ACTR3C: variants seen among roughly 807,000 people sequenced by gnomAD.
The protein encoded by ACTR3C is actin related protein 3C.
In ACTR3C, 18 loss-of-function variants were observed where a neutral mutation model predicts 26.3. That is an observed-to-expected ratio of 0.68 (90% CI 0.47 to 1.01). The LOEUF is 1.01. Ranked by LOEUF, ACTR3C falls within the 50% of genes least tolerant of loss-of-function variation. The pLI is 0.00. For synonymous variants in ACTR3C, 55 were observed against 94.5 expected, an observed-to-expected ratio of 0.58 and a Z score of 2.42; for missense variants, 184 against 250.7, an observed-to-expected ratio of 0.73 and a Z score of 1.80.
the ACTR3C span, among the ~76,000 whole-genome samples, chr7:150,087,236 T>C: frequency 6.7e-6 from 1 of 149,910 alleles, no homozygotes; most frequent in African/African-American, 2.5e-5. Context: ...GAATACACAC[T>C]GGACTAAAAG....
At chr7:149,946,329 T>C in the ACTR3C span, among the ~76,000 whole-genome samples, 4 of 152,244 alleles carry the variant, frequency 2.6e-5, no homozygotes, top group Non-Finnish European at 5.9e-5. Context: ...TTGGCAAATA[T>C]GAGCTCAGAC....
the ACTR3C span, among the ~76,000 whole-genome samples, chr7:149,910,634 T>C: frequency 1.6e-4 from 24 of 152,150 alleles, no homozygotes; most frequent in Non-Finnish European, 3.4e-4. Context: ...TGCTTATTAT[T>C]ATTATTTCAA....
chr7:149,922,560 T>C, the ACTR3C span, among the ~76,000 whole-genome samples: 2 of 152,016 alleles, frequency 1.3e-5, no homozygotes, highest in Admixed American at 1.3e-4. Context: ...CAGCCAGAGA[T>C]GGGCGGGGAT....
chr7:150,311,945 A>C (rs1384512923), intron 1 of ACTR3C, among the ~76,000 whole-genome samples: 1 of 152,224 alleles, frequency 6.6e-6, no homozygotes, highest in Non-Finnish European at 1.5e-5. Context: ...GGACTGAAAG[A>C]GGTTTTCTCA....
chr7:150,004,617 G>A, the ACTR3C span: 1 of 152,124 alleles, frequency 6.6e-6, no homozygotes, highest in Non-Finnish European at 1.5e-5. Context: ...AACCTACGGT[G>A]GGAAAACCTT....
chr7:150,317,796 T>C (rs1236721895), intron 1 of ACTR3C, among the ~76,000 whole-genome samples: 1 of 152,194 alleles, frequency 6.6e-6, no homozygotes, highest in Non-Finnish European at 1.5e-5. Flanking sequence ...TATTGAATTT[T>C]GTTGAATCCA....
chr7:150,093,710 C>T, the ACTR3C span, among the ~76,000 whole-genome samples: 1 of 150,770 alleles, frequency 6.6e-6, no homozygotes, highest in African/African-American at 2.5e-5. Context: ...CTCAGCGGAG[C>T]AGCTGTAGGA....
chr7:149,973,806 C>G, the ACTR3C span, among the ~76,000 whole-genome samples: 2 of 149,530 alleles, frequency 1.3e-5, no homozygotes, highest in Non-Finnish European at 3.0e-5. Context: ...ATTTTTCGGA[C>G]AGAAAAACAG....
At chr7:150,094,029 G>C in the ACTR3C span, among the ~76,000 whole-genome samples, 1 of 150,456 alleles carries the variant, frequency 6.6e-6, no homozygotes. Context: ...AGCACAGATA[G>C]GTAAAATAAC....
At chr7:150,149,218 T>C in the ACTR3C span, among the ~76,000 whole-genome samples, 1 of 151,096 alleles carries the variant, frequency 6.6e-6, no homozygotes, top group African/African-American at 2.4e-5. Flanking sequence ...CCTCACTGAT[T>C]TGTAGTATAT....
the ACTR3C span, among the ~76,000 whole-genome samples, chr7:150,233,587 C>T: frequency 1.3e-5 from 2 of 151,930 alleles, no homozygotes; most frequent in East Asian, 3.8e-4. Context: ...CTTACTCATT[C>T]TTTCCTCAAA....
chr7:149,937,371 TTTTGA>T, the ACTR3C span, among the ~76,000 whole-genome samples: 1 of 151,226 alleles, frequency 6.6e-6, no homozygotes, highest in African/African-American at 2.4e-5. Context: ...AAATATTACC[TTTTGA>T]TTTAAGTCAT....
At chr7:150,290,610 G>C (rs1326300240) in intron 3 of ACTR3C, among the ~76,000 whole-genome samples, 1 of 152,220 alleles carries the variant, frequency 6.6e-6, no homozygotes, top group East Asian at 1.9e-4. Flanking sequence ...TCTAATAGCT[G>C]CATCTAGTCA....
the ACTR3C span, among the ~76,000 whole-genome samples, chr7:150,010,271 T>A: frequency 6.6e-6 from 1 of 152,162 alleles, no homozygotes; most frequent in Non-Finnish European, 1.5e-5. Context: ...GGGAAAAAAA[T>A]ATGTAACATC....
the ACTR3C span, among the ~76,000 whole-genome samples, chr7:150,104,284 T>C: frequency 6.6e-6 from 1 of 151,702 alleles, no homozygotes; most frequent in African/African-American, 2.4e-5. Flanking sequence ...CCTTGAAGGA[T>C]AGGCCCAGAA....
the ACTR3C span, among the ~76,000 whole-genome samples, chr7:150,148,103 A>G: frequency 6.9e-6 from 1 of 145,010 alleles, no homozygotes; most frequent in Non-Finnish European, 1.5e-5. Context: ...ACATGAGTTT[A>G]CCCTTTACCT....
At chr7:150,129,565 C>CA in the ACTR3C span, among the ~76,000 whole-genome samples, 1 of 151,942 alleles carries the variant, frequency 6.6e-6, no homozygotes, top group Non-Finnish European at 1.5e-5. Flanking sequence ...AGTCAATTTA[C>CA]AAAAATAAAT....
At chr7:149,915,400 A>G in the ACTR3C span, among the ~76,000 whole-genome samples, 1 of 152,154 alleles carries the variant, frequency 6.6e-6, no homozygotes, top group African/African-American at 2.4e-5. Context: ...CTACATAACT[A>G]CATGAATAAG....
chr7:149,895,282 G>A, the ACTR3C span, among the ~76,000 whole-genome samples: 2 of 151,980 alleles, frequency 1.3e-5, no homozygotes, highest in Admixed American at 6.5e-5. Context: ...CAAAAAATAC[G>A]TAACTACAGT....
Sources: allele counts gnomAD v4.1 joint callset (sites outside exome capture counted in the v4.1 genomes callset), GRCh38; gene constraint gnomAD v4.1.1; transcripts MANE v1.5; gene names NCBI Gene and HGNC (gene_info 2026-07-23, HGNC 2026-07-21).